Variants in PCSK7 observed in about 807,000 individuals in gnomAD.
PCSK7 encodes proprotein convertase subtilisin/kexin type 7.
A neutral mutation model predicts 73.3 loss-of-function variants in PCSK7; 38 were observed. The observed-to-expected ratio is 0.52, with a 90% CI of 0.40 to 0.68. The LOEUF (loss-of-function observed/expected upper bound fraction) is 0.68. PCSK7 is among the 30% of genes least tolerant of loss of function. The pLI, the probability that PCSK7 is intolerant of heterozygous loss-of-function variation, is 0.00. For synonymous variants in PCSK7, 296 were observed against 383.8 expected (o/e 0.77, Z 2.68); for missense variants, 692 against 991.5 (o/e 0.70, Z 4.06).
intron 7 of PCSK7, 54 bp downstream of exon 7, chr11:117,224,647 G>A: frequency 7.2e-7 from 1 of 1,393,696 alleles, no homozygotes; most frequent in East Asian, 2.3e-5. Flanking sequence ...AGTTCTCCCG[G>A]GACTGTATGA....
rs2031252754 is a variant in PCSK7, at chr11:117,204,476, GC to G, written c.*1520del. 2 of 1,493,678 alleles carry G rather than the reference GC, an allele frequency of 1.3e-6. No individual in the cohort carries two copies. The highest frequency in any genetic ancestry group is 3.8e-5 in the Admixed American group (2 of 52,952). The allele number at this position is 1,493,678 out of a possible 1,614,324, so 92.5% of individuals were successfully genotyped here. A position where few individuals can be genotyped will look rare whatever the true frequency, so the allele number is the denominator to read the frequency against. On this transcript the variant is annotated 3_prime_UTR_variant, in exon 17 of 17. Coordinates refer to ENST00000320934, the MANE Select transcript of PCSK7 (RefSeq NM_004716.4). The stretch of plus-strand genomic sequence containing the variant: ...CCTTCAGCCCTGGCCAAGCTTTGAG[GC>G]TCTGTCACTGAGCAATGGTAACTGC...
chr11:117,231,330 C>CT (rs2032654414), intron 1 of PCSK7: 1 of 152,204 alleles, frequency 6.6e-6, no homozygotes, highest in South Asian at 2.1e-4. Context: ...ATTTCTTCCT[C>CT]TCGTTTTCTC....
chr11:117,225,020 T>A, intron 6 of PCSK7: 1 of 392,642 alleles, frequency 2.5e-6, no homozygotes, highest in African/African-American at 2.0e-5. Flanking sequence ...CAGAGGTCAC[T>A]CATCTCCTGA....
At chr11:117,221,907 C>T (rs1027275631) in intron 9 of PCSK7, 1 of 152,386 alleles carries the variant, frequency 6.6e-6, no homozygotes, top group African/African-American at 2.4e-5. Context: ...CTACTTTAGT[C>T]CACTCCCTTT....
At chr11:117,223,847 G>C in intron 8 of PCSK7, 1 of 539,976 alleles carries the variant, frequency 1.9e-6, no homozygotes, top group South Asian at 2.3e-5. Context: ...ACCAGCTGTG[G>C]TGGGGTGGAG....
rs1468258240 is a variant in PCSK7, at chr11:117,204,357, T to A, written c.*1640A>T. 2 of 1,614,188 alleles carry A rather than the reference T, an allele frequency of 1.2e-6. No homozygotes were observed. The highest frequency in any genetic ancestry group is 2.2e-5 in the South Asian group (2 of 91,080). Reference sequence around the variant, plus strand: ...CGGACGACCTCGGCAGATCATCAGTTAGAGCGGAGAGGGCTAGCCCTGAGC... The same window carrying A: ...CGGACGACCTCGGCAGATCATCAGTAAGAGCGGAGAGGGCTAGCCCTGAGC... On this transcript the variant is annotated 3_prime_UTR_variant, in exon 17 of 17. Coordinates refer to ENST00000320934, the MANE Select transcript of PCSK7 (RefSeq NM_004716.4).
At position 117,206,131 on chromosome 11, in the gene PCSK7, G is replaced by C. The variant is rs771170603; in HGVS notation, c.2224C>G (p.Pro742Ala). The change falls in exon 17 of 17, where the codon CCC becomes GCC. Residue 742 changes from proline (P) to alanine (A), a missense_variant. Physicochemically the swap from Pro to Ala is conservative, Grantham distance 27 (BLOSUM62 -1). Transcript: ENST00000320934. ...GGGGCAAGGAGGTCAGAGGTGGTGGGAGGGCCCCTGCTCTCTGTTTCCACT... is the reference window on the plus strand; with the variant it reads ...GGGGCAAGGAGGTCAGAGGTGGTGGCAGGGCCCCTGCTCTCTGTTTCCACT... Reference protein sequence around the residue: ...DEVETESRGPPTTSDLLAPDL... With the variant: ...DEVETESRGPATTSDLLAPDL... 1 of 1,602,988 alleles carries C rather than the reference G, an allele frequency of 6.2e-7. No homozygotes were observed.
rs771175798 is a variant in PCSK7 at position 117,224,714 on chromosome 11, T to C, written c.902A>G (p.His301Arg). 5 of 1,613,446 alleles carry C rather than the reference T, an allele frequency of 3.1e-6. No homozygotes were observed. The highest frequency in any genetic ancestry group is 1.3e-5 in the African/African-American group (1 of 74,894). The change falls in exon 7 of 17, where the codon CAT becomes CGT. Residue 301 changes from histidine to arginine, a missense_variant. Around this residue, in one of 6 missense-constraint regions of PCSK7, gnomAD observed 574 missense variants for 689.8 expected, o/e 0.83. Transcript: ENST00000320934. ...DDDGKTVDGP[H>R]QLGKAALQHG... is the part of the protein sequence containing the mutation. ...CAGGCCAGTTACCTTTCCAAGCTGA[T>C]GGGGGCCATCCACTGTCTTCCCATC...
chr11:117,229,658 C>T lies in PCSK7; in HGVS notation c.187G>A (p.Gly63Ser), dbSNP rs1591808561. The part of the protein sequence containing the change: ...SWAVHLESLE[G>S]DGEEETLEQQ... The stretch of plus-strand genomic sequence containing the variant: ...TCCAGAGTCTCTTCCTCCCCGTCAC[C>T]TTCCAGGCTTTCCAGGTGCACAGCC... Residue 63 changes from glycine (G) to serine (S), a missense_variant, in exon 3 of 17, where the codon GGT (glycine) becomes AGT (serine). Coordinates refer to ENST00000320934, the MANE Select transcript of PCSK7 (RefSeq NM_004716.4). The T allele has an allele frequency of 6.2e-7, 1 of 1,613,914 alleles. No individual in the cohort carries two copies. Among genetic ancestry groups the T allele is most frequent in the Non-Finnish European group, 8.5e-7 (1 of 1,179,778 alleles).
At chr11:117,225,073 T>TTTC (rs1299120638) in intron 6 of PCSK7, 2 of 234,980 alleles carry the variant, frequency 8.5e-6, no homozygotes, top group Non-Finnish European at 1.7e-5. Context: ...TTTTTTTTTT[T>TTTC]TCTCCTGAAA....
chr11:117,228,231 G>A lies in PCSK7; in HGVS notation c.588C>T (p.Asp196=). 7 of 1,613,448 alleles carry A rather than the reference G, an allele frequency of 4.3e-6. No individual in the cohort carries two copies. The highest frequency in any genetic ancestry group is 5.9e-6 in the Non-Finnish European group (7 of 1,179,716). Residue 196 remains aspartate, a synonymous_variant, in exon 4 of 17, where the codon GAC becomes GAT. Coordinates refer to ENST00000320934, the MANE Select transcript of PCSK7 (RefSeq NM_004716.4). The part of the protein sequence containing the change: ...VDDGVEHTIQ[D]IAPNYSPEGS... ...GGCCACTCACATAGTTGGGTGCAAT[G>A]TCCTGGATGGTGTGTTCCACTCCGT... is the stretch of plus-strand genomic sequence containing the variant.
chr11:117,210,343 C>T (rs1390143621), intron 12 of PCSK7: 7 of 150,424 alleles, frequency 4.7e-5, no homozygotes, highest in Non-Finnish European at 8.8e-5. Context: ...AGAAATTAGG[C>T]TGTAATGAGA....
intron 8 of PCSK7, 165 bp downstream of exon 8, chr11:117,223,913 T>C (rs560352490): frequency 3.0e-6 from 2 of 677,928 alleles, no homozygotes; most frequent in Non-Finnish European, 5.1e-6. Context: ...TATGCTGACA[T>C]CTAAGAAGTC....
chr11:117,227,983 AC>A (rs1300024665), intron 4 of PCSK7, among the ~76,000 whole-genome samples: 3 of 152,006 alleles, frequency 2.0e-5, no homozygotes, highest in African/African-American at 7.3e-5. Flanking sequence ...TGCAGGGGCC[AC>A]TCCTTACTCC....
Position 117,206,202 on chromosome 11 carries a change from G to A in PCSK7, c.2153C>T (p.Thr718Ile). The A allele has an allele frequency of 6.2e-7, 1 of 1,614,096 alleles. No homozygotes were observed. The highest frequency in any genetic ancestry group is 8.5e-7 in the Non-Finnish European group (1 of 1,180,004). ...GCAAAGTGGCACTGATTCTAGCTCT[G>A]TCCCTTCCTCCTTGGCTTTCCGGCT... Reference protein sequence around the residue: ...HRSRKAKEEGTELESVPLCSS... With the variant: ...HRSRKAKEEGIELESVPLCSS... Residue 718 changes from threonine to isoleucine, a missense_variant, in exon 17 of 17, where the codon ACA becomes ATA. Transcript: ENST00000320934.
intron 7 of PCSK7, 80 bp from the exon 8 acceptor site, chr11:117,224,296 C>A: frequency 6.9e-7 from 1 of 1,444,708 alleles, no homozygotes; most frequent in Non-Finnish European, 9.6e-7. Flanking sequence ...ACCCTCTCCA[C>A]CCCTTCTAGA....
At chr11:117,219,215 A>C in intron 10 of PCSK7, 51 bp from the exon 11 acceptor site, 42 of 1,308,164 alleles carry the variant, frequency 3.2e-5, no homozygotes, top group Non-Finnish European at 4.2e-5. Context: ...GTGTAGTCTC[A>C]ACAATCTGAC....
In PCSK7 at chr11:117,227,244, G is replaced by C; in HGVS notation, c.682C>G (p.His228Asp). ...ATCTCTCCTGCACATCGCGTGCCAT[G>C]GTGGTTGCCATTCTCCACATCCGGG... ...PHPDVENGNH[H>D]GTRCAGEIAA... The change falls in exon 5 of 17, where the codon CAT becomes GAT. Residue 228 changes from histidine (H) to aspartate (D), a missense_variant. By Grantham distance (81) the His-to-Asp change is moderately conservative (BLOSUM62 -1). This residue lies in a region of PCSK7 where 574 missense variants were observed against 689.8 expected (regional missense o/e 0.83). Coordinates refer to ENST00000320934, the MANE Select transcript of PCSK7 (RefSeq NM_004716.4). 1 of 1,613,782 alleles carries C rather than the reference G, an allele frequency of 6.2e-7. No homozygotes were observed. The highest frequency in any genetic ancestry group is 8.5e-7 in the Non-Finnish European group (1 of 1,179,764).
chr11:117,216,391 AG>A (rs1167090154), intron 12 of PCSK7: 1 of 150,808 alleles, frequency 6.6e-6, no homozygotes, highest in Non-Finnish European at 1.5e-5. Flanking sequence ...TGGCTGTAGA[AG>A]GGGTTTCTTG....
Sources: allele counts gnomAD v4.1 joint callset (sites outside exome capture counted in the v4.1 genomes callset), GRCh38; gene constraint gnomAD v4.1.1; regional missense constraint gnomAD v4.1.1; transcripts MANE v1.5; gene names NCBI Gene and HGNC (gene_info 2026-07-23, HGNC 2026-07-21).